The following DPYSL3 variants were observed in gnomAD, a reference collection of about 807,000 sequenced individuals.
DPYSL3 encodes dihydropyrimidinase like 3, also known as dihydropyrimidinase-related protein 3.
Under a neutral mutation model 66.1 loss-of-function variants are expected in DPYSL3, and 16 were observed. The ratio of observed to expected loss-of-function variants is 0.24; its 90% confidence interval spans 0.16 to 0.37. The LOEUF (loss-of-function observed/expected upper bound fraction) is 0.37. Among genes scored for constraint, DPYSL3 ranks in the 10% least tolerant of loss-of-function variants. The pLI is 1.00. For missense variants in DPYSL3, 738 were observed against 916.2 expected, an observed-to-expected ratio of 0.81 and a Z score of 2.51; for synonymous variants, 338 against 345.1, an observed-to-expected ratio of 0.98 and a Z score of 0.23.
At chr5:147,453,246 G>A (rs552986974) in intron 1 of DPYSL3, among the ~76,000 whole-genome samples, 1 of 152,262 alleles carries the variant, frequency 6.6e-6, no homozygotes, top group East Asian at 1.9e-4. Context: ...GTGGTCCTGG[G>A]AGAGCCGCGA....
chr5:147,433,759 C>T (rs370303437), intron 1 of DPYSL3, among the ~76,000 whole-genome samples: 5 of 152,276 alleles, frequency 3.3e-5, no homozygotes, highest in South Asian at 2.1e-4. Context: ...CCTGGCCAGG[C>T]GCAGTGGCTC....
intron 1 of DPYSL3, among the ~76,000 whole-genome samples, chr5:147,452,226 C>T (rs1752743739): frequency 1.3e-5 from 2 of 152,198 alleles, no homozygotes; most frequent in South Asian, 4.1e-4. Flanking sequence ...GGGGAAGGTT[C>T]TGCATCTCAA....
intron 10 of DPYSL3, among the ~76,000 whole-genome samples, chr5:147,400,382 A>C (rs2152016734): frequency 6.6e-6 from 1 of 152,330 alleles, no homozygotes; most frequent in East Asian, 1.9e-4. Context: ...CTATCCAAAC[A>C]AAAAGAATTA....
At chr5:147,453,652 CT>C in intron 1 of DPYSL3, 1 of 1,502,100 alleles carries the variant, frequency 6.7e-7, no homozygotes, top group Non-Finnish European at 8.9e-7. Flanking sequence ...TCGCCCGCGC[CT>C]TCCTCAGCGC....
In DPYSL3 at chr5:147,415,844, T is replaced by C; in HGVS notation, c.685A>G (p.Ser229Gly). Reference sequence around the variant, plus strand: ...CATTTCTCATAGGCCTCAGTCAGGCTGGACTCAGGCTCAGGCACCACATGG... The same window carrying C: ...CATTTCTCATAGGCCTCAGTCAGGCCGGACTCAGGCTCAGGCACCACATGG... ...IDHVVPEPES[S>G]LTEAYEKWRE... Residue 229 changes from serine to glycine, a missense_variant, in exon 4 of 14, where the codon AGC becomes GGC. Transcript: ENST00000343218. 3 of 1,614,064 alleles carry C rather than the reference T, an allele frequency of 1.9e-6. No homozygotes were observed. The highest frequency in any genetic ancestry group is 2.5e-6 in the Non-Finnish European group (3 of 1,179,990).
chr5:147,470,865 G>A (rs1021809029), intron 1 of DPYSL3, among the ~76,000 whole-genome samples: 18 of 152,100 alleles, frequency 1.2e-4, no homozygotes, highest in Non-Finnish European at 2.2e-4. Flanking sequence ...CATCTATGCA[G>A]TTTCCCCTGG....
intron 1 of DPYSL3, among the ~76,000 whole-genome samples, chr5:147,444,322 CT>C (rs1295778004): frequency 1.3e-5 from 2 of 152,104 alleles, no homozygotes; most frequent in African/African-American, 4.8e-5. Context: ...AAAAATCTAT[CT>C]ACCTAATTAA....
intron 1 of DPYSL3, among the ~76,000 whole-genome samples, chr5:147,458,385 T>A (rs1752883786): frequency 6.6e-6 from 1 of 152,178 alleles, no homozygotes; most frequent in Non-Finnish European, 1.5e-5. Flanking sequence ...TTACCCTAGA[T>A]GGTCTAAAAA....
At chr5:147,470,045 C>A (rs1344440426) in intron 1 of DPYSL3, among the ~76,000 whole-genome samples, 1 of 152,154 alleles carries the variant, frequency 6.6e-6, no homozygotes, top group Non-Finnish European at 1.5e-5. Flanking sequence ...GAGGGGTGAC[C>A]CACATGCAAT....
chr5:147,397,552 G>C, intron 12 of DPYSL3, 114 bp downstream of exon 12: 1 of 1,149,508 alleles, frequency 8.7e-7, no homozygotes, highest in South Asian at 1.8e-5. Context: ...GACTGTCACT[G>C]AATTTCTCTG....
intron 1 of DPYSL3, among the ~76,000 whole-genome samples, chr5:147,432,855 G>A (rs1363640010): frequency 6.6e-6 from 1 of 152,216 alleles, no homozygotes; most frequent in African/African-American, 2.4e-5. Flanking sequence ...AAACTAAACA[G>A]TGAACCTAGG....
At chr5:147,398,307 G>T (rs1200621343) in intron 11 of DPYSL3, among the ~76,000 whole-genome samples, 1 of 152,162 alleles carries the variant, frequency 6.6e-6, no homozygotes, top group African/African-American at 2.4e-5. Flanking sequence ...TCAGCAAGAG[G>T]CATTACTGTA....
At chr5:147,431,016 A>G (rs1468561063) in intron 1 of DPYSL3, among the ~76,000 whole-genome samples, 1 of 152,234 alleles carries the variant, frequency 6.6e-6, no homozygotes, top group African/African-American at 2.4e-5. Context: ...TGACCTTCTC[A>G]GTGGGGATTC....
intron 1 of DPYSL3, among the ~76,000 whole-genome samples, chr5:147,502,118 G>T (rs983625657): frequency 6.6e-6 from 1 of 152,040 alleles, no homozygotes; most frequent in African/African-American, 2.4e-5. Flanking sequence ...TTCTGACTCA[G>T]ACGCTGCCTT....
chr5:147,395,446 T>C (rs1464055316), intron 13 of DPYSL3, 113 bp downstream of exon 13: 1 of 1,335,880 alleles, frequency 7.5e-7, no homozygotes, highest in Non-Finnish European at 1.0e-6. Flanking sequence ...TTGACACCAG[T>C]GCTAGGCTGG....
chr5:147,432,184 C>A (rs1347469434), intron 1 of DPYSL3, among the ~76,000 whole-genome samples: 1 of 152,166 alleles, frequency 6.6e-6, no homozygotes, highest in Non-Finnish European at 1.5e-5. Context: ...CTGGGGCACT[C>A]CCTTCAAAAT....
At chr5:147,404,996 T>C (rs925023264) in intron 8 of DPYSL3, among the ~76,000 whole-genome samples, 7 of 152,152 alleles carry the variant, frequency 4.6e-5, no homozygotes, top group Non-Finnish European at 1.0e-4. Flanking sequence ...CTAGGGACTT[T>C]TGCTTGACCT....
At chr5:147,482,451 C>A (rs965809623) in intron 1 of DPYSL3, among the ~76,000 whole-genome samples, 5 of 152,246 alleles carry the variant, frequency 3.3e-5, no homozygotes, top group Admixed American at 3.3e-4. Flanking sequence ...AGGTGGCACA[C>A]ACCATCAGCT....
intron 1 of DPYSL3, among the ~76,000 whole-genome samples, chr5:147,459,276 G>T (rs574408479): frequency 6.6e-6 from 1 of 151,912 alleles, no homozygotes; most frequent in Non-Finnish European, 1.5e-5. Flanking sequence ...TTTGCCCCTT[G>T]GTCCTGATTT....
Sources: gnomAD v4.1 joint callset for allele counts (sites outside exome capture counted in the v4.1 genomes callset) on GRCh38, gnomAD v4.1.1 for gene constraint, MANE v1.5 for transcripts, NCBI Gene and HGNC (gene_info 2026-07-23, HGNC 2026-07-21) for gene names.